SEC14L2: variants seen among roughly 807,000 people sequenced by gnomAD.
The protein encoded by SEC14L2 is SEC14-like protein 2.
SEC14L2 carries 50 observed loss-of-function variants against 56.9 expected under a neutral mutation model. The observed-to-expected ratio is 0.88, with a 90% confidence interval of 0.70 to 1.11. SEC14L2 has a LOEUF of 1.11. Among genes scored for constraint, SEC14L2 ranks in the 50% most tolerant of loss-of-function variants. The pLI is 0.00. For synonymous variants in SEC14L2, 179 were observed against 188.5 expected, an observed-to-expected ratio of 0.95 and a Z score of 0.41; for missense variants, 414 against 500.7, an observed-to-expected ratio of 0.83 and a Z score of 1.65.
rs1192160506 is a variant in SEC14L2 at position 30,400,033 on chromosome 22, T to A, written c.130+315T>A. On this transcript the variant is annotated intron_variant, in intron 2 of 11. Transcript: ENST00000615189. ...CAAGAAATCTGCTCTGCTGATGGAGTTGGGGAAATTGGCTGAAGAAAAAGT... is the reference window on the plus strand; with the variant it reads ...CAAGAAATCTGCTCTGCTGATGGAGATGGGGAAATTGGCTGAAGAAAAAGT... 2.0e-5 allele frequency among the ~76,000 whole-genome samples: 3 copies of A among 151,846 alleles called. No homozygotes were observed. In the South Asian group the frequency reaches 6.2e-4, roughly 31 times the overall value.
Position 30,416,659 on chromosome 22 carries a change from C to T in SEC14L2, c.1081+256C>T, listed in dbSNP as rs889628022. 7 of 1,430,362 alleles carry T rather than the reference C, an allele frequency of 4.9e-6. No individual in the cohort carries two copies. The East Asian group carries it at 1.8e-4, about 36-fold the overall frequency. 88.6% of individuals were successfully genotyped at this position (1,430,362 alleles called of 1,614,324 possible). On this transcript the variant is annotated intron_variant, in intron 11 of 11. Transcript: ENST00000615189. The stretch of plus-strand genomic sequence containing the variant: ...GGTGAGTCACAGTCCTAGGCGATCA[C>T]AGGGGTTCAACACGTCTGCTTTCTG...
At chr22:30,397,581 A>G in intron 1 of SEC14L2, 1 of 264,388 alleles carries the variant, frequency 3.8e-6, no homozygotes. Context: ...GCACGATGGA[A>G]AGGGCTCTGG....
chr22:30,406,427 A>G (rs1218342740), intron 3 of SEC14L2, 42 bp downstream of exon 3: 1 of 1,606,968 alleles, frequency 6.2e-7, no homozygotes, highest in Non-Finnish European at 8.5e-7. Context: ...TCCCCATCAG[A>G]ATCACTCCTT....
chr22:30,397,338 C>A (rs1933783266), intron 1 of SEC14L2, among the ~76,000 whole-genome samples, 168 bp downstream of exon 1: 1 of 152,240 alleles, frequency 6.6e-6, no homozygotes, highest in Admixed American at 6.5e-5. Context: ...GCTCCTTCCT[C>A]CCTTTGCCAC....
At chr22:30,414,784 CA>C (rs1934343984) in intron 8 of SEC14L2, among the ~76,000 whole-genome samples, 2 of 151,388 alleles carry the variant, frequency 1.3e-5, no homozygotes, top group South Asian at 4.2e-4. Flanking sequence ...AAAAAAGAGC[CA>C]AATTACTGGT....
Position 30,407,197 on chromosome 22 carries a change from C to A in SEC14L2, c.234+43C>A, listed in dbSNP as rs1285798002. 3 of 1,606,024 alleles carry A rather than the reference C, an allele frequency of 1.9e-6. No homozygotes were observed. In the South Asian group the frequency reaches 3.3e-5, roughly 18 times the overall value. On this transcript the variant is annotated intron_variant, in intron 4 of 11. Transcript: ENST00000615189. Reference sequence around the variant, plus strand: ...CACCTCATCCCTATGCTAGGCCTTTCAGACCCACAACCTGGGTCCTGGATC... The same window carrying A: ...CACCTCATCCCTATGCTAGGCCTTTAAGACCCACAACCTGGGTCCTGGATC...
chr22:30,424,476 T>A lies in SEC14L2; in HGVS notation c.*2069T>A. ...AGCCAGCGGGGGCCTCAATAGTTAC[T>A]CATTTTCTCTACCTTTGATGAAAAT... On this transcript the variant is annotated 3_prime_UTR_variant, in exon 12 of 12. Transcript: ENST00000615189. The A allele has an allele frequency of 2.9e-6, 1 of 343,550 alleles. No homozygotes were observed. The highest frequency in any genetic ancestry group is 5.7e-6 in the Non-Finnish European group (1 of 176,314). The allele number at this position is 343,550 out of a possible 1,614,324, so 21.3% of individuals were successfully genotyped here.
At chr22:30,399,585 G>A in intron 1 of SEC14L2, 58 bp from the exon 2 acceptor site, 1 of 1,302,336 alleles carries the variant, frequency 7.7e-7, no homozygotes, top group South Asian at 1.3e-5. Flanking sequence ...GAGAGTCCTA[G>A]GCAGAGGGCA....
Position 30,422,471 on chromosome 22 carries a change from C to T in SEC14L2, c.*64C>T, listed in dbSNP as rs56069246. 41 of 1,595,452 alleles carry T rather than the reference C, an allele frequency of 2.6e-5. No individual in the cohort carries two copies. Among genetic ancestry groups the T allele is most frequent in the African/African-American group, 4.0e-5 (3 of 74,538 alleles). On this transcript the variant is annotated 3_prime_UTR_variant, in exon 12 of 12. Coordinates refer to ENST00000615189, the MANE Select transcript of SEC14L2 (RefSeq NM_012429.5). Reference sequence around the variant, plus strand: ...CCCTGTCAATTTCTACCCCTTGTAGCAGTCATTTTCGCACAACCCTGAAGC... The same window carrying T: ...CCCTGTCAATTTCTACCCCTTGTAGTAGTCATTTTCGCACAACCCTGAAGC...
intron 1 of SEC14L2, chr22:30,398,582 C>A: frequency 2.4e-6 from 1 of 419,472 alleles, no homozygotes; most frequent in Non-Finnish European, 5.1e-6. Flanking sequence ...TTGGCACTAC[C>A]TGCACTTTCC....
At chr22:30,404,868 G>C (rs2146016208) in intron 2 of SEC14L2, among the ~76,000 whole-genome samples, 1 of 152,232 alleles carries the variant, frequency 6.6e-6, no homozygotes, top group East Asian at 1.9e-4. Flanking sequence ...TCAGAAGTTT[G>C]AGACCAGCCT....
intron 11 of SEC14L2, chr22:30,416,892 A>G (rs147548192): frequency 3.0e-6 from 3 of 1,001,828 alleles, no homozygotes; most frequent in Non-Finnish European, 3.6e-6. Context: ...ACACAAGAAT[A>G]TAAGAATGGG....
At chr22:30,412,439 T>G (rs1430127069) in intron 8 of SEC14L2, among the ~76,000 whole-genome samples, 1 of 151,798 alleles carries the variant, frequency 6.6e-6, no homozygotes, top group Admixed American at 6.6e-5. Flanking sequence ...CGGCACAATG[T>G]TGTCACAGTC....
chr22:30,414,416 G>T (rs1020879390), intron 8 of SEC14L2, among the ~76,000 whole-genome samples: 2 of 152,128 alleles, frequency 1.3e-5, no homozygotes, highest in African/African-American at 2.4e-5. Flanking sequence ...TTTCAACAGA[G>T]GGGGGAGATT....
intron 2 of SEC14L2, among the ~76,000 whole-genome samples, chr22:30,404,889 G>A (rs2146016306): frequency 6.6e-6 from 1 of 152,250 alleles, no homozygotes; most frequent in East Asian, 1.9e-4. Flanking sequence ...GGCCAACATG[G>A]TGAAACCCCA....
chr22:30,410,658 A>T lies in SEC14L2; in HGVS notation c.643A>T (p.Lys215Ter). Residue 215 changes from lysine to a stop codon, truncating the protein, a stop_gained, in exon 8 of 12, where the codon AAG (lysine) becomes TAG (stop). Transcript: ENST00000615189. LOFTEE classifies it high-confidence loss of function. ...ACCCTTCCTGAGTGAGGACACTCGT[A>T]AGAAGATCATGGTCCTGGGAGGTAA... ...IKPFLSEDTR[K>*]KIMVLGANWK... is the part of the protein sequence containing the mutation. 6.2e-7 allele frequency: 1 copy of T among 1,614,140 alleles called. No individual in the cohort carries two copies. Among genetic ancestry groups the T allele is most frequent in the Non-Finnish European group, 8.5e-7 (1 of 1,179,988 alleles).
chr22:30,397,819 G>C, intron 1 of SEC14L2: 1 of 470,854 alleles, frequency 2.1e-6, no homozygotes, highest in Non-Finnish European at 4.4e-6. Flanking sequence ...TTGCATCCCA[G>C]ACCCCTGCCT....
Position 30,422,634 on chromosome 22 carries a change from C to A in SEC14L2, c.*227C>A. ...AGCTGGCTGGCCATCGTGATAGGATCTGTCTGTCCTGTAAACTGTGCCAAC... is the reference window on the plus strand; with the variant it reads ...AGCTGGCTGGCCATCGTGATAGGATATGTCTGTCCTGTAAACTGTGCCAAC... On this transcript the variant is annotated 3_prime_UTR_variant, in exon 12 of 12. Coordinates refer to ENST00000615189, the MANE Select transcript of SEC14L2 (RefSeq NM_012429.5). 2.0e-6 allele frequency: 1 copy of A among 506,570 alleles called. No individual in the cohort carries two copies. Among genetic ancestry groups the A allele is most frequent in the Non-Finnish European group, 3.5e-6 (1 of 285,280 alleles). 31.4% of individuals were successfully genotyped at this position (506,570 alleles called of 1,614,324 possible).
Position 30,422,992 on chromosome 22 carries a change from C to G in SEC14L2, c.*585C>G, listed in dbSNP as rs1432267253. 1 of 152,702 alleles carries G rather than the reference C, an allele frequency of 6.5e-6. No homozygotes were observed. The highest frequency in any genetic ancestry group is 6.5e-5 in the Admixed American group (1 of 15,292). 9.5% of individuals were successfully genotyped at this position (152,702 alleles called of 1,614,324 possible). A position where few individuals can be genotyped will look rare whatever the true frequency, so the allele number is the denominator to read the frequency against. On this transcript the variant is annotated 3_prime_UTR_variant, in exon 12 of 12. Transcript: ENST00000615189. ...CACTCGGTAGACAGGCTGGCCTCTC[C>G]CTCACTTTGAGACTTTGGCAACTCC...
Sources: gnomAD v4.1 joint callset for allele counts (sites outside exome capture counted in the v4.1 genomes callset) on GRCh38, gnomAD v4.1.1 for gene constraint, MANE v1.5 for transcripts, NCBI Gene and HGNC (gene_info 2026-07-23, HGNC 2026-07-21) for gene names.